PCDH15: variants seen among roughly 807,000 people sequenced by gnomAD.
PCDH15 encodes the protein protocadherin related 15, also known as protocadherin-15.
In PCDH15, 129 loss-of-function variants were observed where a neutral mutation model predicts 178.5. The ratio of observed to expected loss-of-function variants is 0.72; its 90% CI spans 0.63 to 0.84. The LOEUF is 0.84. Among genes scored for constraint, PCDH15 ranks in the 40% least tolerant of loss-of-function variants. The pLI is 0.00. For missense variants in PCDH15, 2,230 were observed against 2,099.9 expected (o/e 1.06, Z -1.21); for synonymous variants, 800 against 732.0 (o/e 1.09, Z -1.50).
chr10:54,769,767 C>T (rs1221979327), intron 1 of PCDH15, among the ~76,000 whole-genome samples: 1 of 152,206 alleles, frequency 6.6e-6, no homozygotes, highest in Non-Finnish European at 1.5e-5. Flanking sequence ...AACAGTATTT[C>T]TTCCTGCATA....
chr10:55,340,270 T>C (rs1480672985), intron 2 of PCDH15, among the ~76,000 whole-genome samples: 3 of 151,260 alleles, frequency 2.0e-5, no homozygotes, highest in Admixed American at 1.3e-4. Context: ...TCATATATCT[T>C]ATATATGGTA....
At chr10:54,931,276 C>G (rs114121401) in intron 2 of PCDH15, among the ~76,000 whole-genome samples, 1 of 152,248 alleles carries the variant, frequency 6.6e-6, no homozygotes, top group African/African-American at 2.4e-5. Flanking sequence ...AGAAACATAT[C>G]ATTTATTTCA....
intron 9 of PCDH15, among the ~76,000 whole-genome samples, chr10:54,234,105 T>C (rs1421112320): frequency 6.6e-6 from 1 of 151,012 alleles, no homozygotes; most frequent in African/African-American, 2.4e-5. Flanking sequence ...ACAAAGTACG[T>C]GAAGTCAGAG....
At chr10:54,057,914 C>G (rs1177034164) in intron 18 of PCDH15, among the ~76,000 whole-genome samples, 1 of 152,184 alleles carries the variant, frequency 6.6e-6, no homozygotes, top group African/African-American at 2.4e-5. Flanking sequence ...CAAAATGCCA[C>G]CAGTCTCTTG....
intron 3 of PCDH15, among the ~76,000 whole-genome samples, chr10:54,883,980 T>G (rs1301577635): frequency 6.6e-6 from 1 of 152,036 alleles, no homozygotes; most frequent in Admixed American, 6.6e-5. Context: ...TGTTTGGAGA[T>G]AACATATTTA....
chr10:54,306,496 GA>G (rs1371932059), intron 8 of PCDH15, among the ~76,000 whole-genome samples: 1 of 151,536 alleles, frequency 6.6e-6, no homozygotes, highest in Non-Finnish European at 1.5e-5. Context: ...TAGTTTGCCA[GA>G]ATCCTCAGTT....
At chr10:55,097,857 G>A (rs1044757057) in intron 2 of PCDH15, among the ~76,000 whole-genome samples, 1 of 152,094 alleles carries the variant, frequency 6.6e-6, no homozygotes, top group Non-Finnish European at 1.5e-5. Flanking sequence ...TTTAAAGACT[G>A]ACTTTCATCA....
chr10:55,401,540 T>C (rs1390465090), intron 2 of PCDH15, among the ~76,000 whole-genome samples: 2 of 151,176 alleles, frequency 1.3e-5, no homozygotes, highest in African/African-American at 2.4e-5. Flanking sequence ...GAGAATAGAT[T>C]GGGATCACTA....
intron 2 of PCDH15, among the ~76,000 whole-genome samples, chr10:55,131,691 T>A (rs1838049264): frequency 7.2e-6 from 1 of 138,158 alleles, no homozygotes; most frequent in Admixed American, 7.8e-5. Flanking sequence ...CAGCTCTCAG[T>A]GGAGAGGAGA....
At chr10:55,167,690 T>C (rs1839232012) in intron 1 of PCDH15, among the ~76,000 whole-genome samples, 1 of 152,272 alleles carries the variant, frequency 6.6e-6, no homozygotes, top group South Asian at 2.1e-4. Flanking sequence ...CAGAAATAGA[T>C]GGAAATAGCT....
chr10:55,164,416 C>G (rs750158252), intron 2 of PCDH15, among the ~76,000 whole-genome samples: 37 of 149,626 alleles, frequency 2.5e-4, no homozygotes, highest in Non-Finnish European at 3.7e-4. Context: ...AATAATTTAT[C>G]TGTTAAATAT....
intron 26 of PCDH15, among the ~76,000 whole-genome samples, chr10:53,901,390 A>C (rs2082324063): frequency 6.6e-6 from 1 of 152,128 alleles, no homozygotes; most frequent in African/African-American, 2.4e-5. Context: ...TGTCCCATGT[A>C]TGATTCATCG....
intron 1 of PCDH15, among the ~76,000 whole-genome samples, chr10:54,724,702 C>T (rs143869685): frequency 4.4e-4 from 67 of 150,798 alleles, no homozygotes; most frequent in African/African-American, 1.4e-3. Context: ...CTGGAATAAA[C>T]GACTCAACAG....
intron 8 of PCDH15, among the ~76,000 whole-genome samples, chr10:54,304,141 C>A (rs1217845091): frequency 6.6e-6 from 1 of 151,904 alleles, no homozygotes; most frequent in South Asian, 2.1e-4. Flanking sequence ...AAGGTTTTTT[C>A]AATTTTATTT....
chr10:53,852,991 T>C (rs552124946), intron 28 of PCDH15, among the ~76,000 whole-genome samples: 12 of 152,152 alleles, frequency 7.9e-5, no homozygotes, highest in Non-Finnish European at 1.5e-4. Flanking sequence ...ATCCCAGACA[T>C]GGATAGGGGG....
rs552498075 is a variant in PCDH15 at position 54,052,574 on chromosome 10, C to T, written c.2220+14183G>A. Among the ~76,000 whole-genome samples, 19 of 152,156 alleles carry T rather than the reference C, an allele frequency of 1.2e-4. 1 individual carries two copies. The South Asian group carries it at 3.3e-3, about 27-fold the overall frequency. On this transcript the variant is annotated intron_variant, in intron 18 of 37. Transcript: ENST00000644397. ...CCTCATTGTATCTAGGAAGTAGTAA[C>T]TTTTAATTCTACAGGCTATTAGGTG...
chr10:54,001,996 G>T (rs2092159599), intron 20 of PCDH15, among the ~76,000 whole-genome samples: 1 of 150,154 alleles, frequency 6.7e-6, no homozygotes, highest in Admixed American at 6.7e-5. Context: ...ACTATATAAT[G>T]ATAAATGTAT....
At chr10:53,985,275 A>G (rs1041178514) in intron 21 of PCDH15, among the ~76,000 whole-genome samples, 3 of 152,126 alleles carry the variant, frequency 2.0e-5, no homozygotes, top group African/African-American at 7.2e-5. Context: ...CAGTTCTTAC[A>G]CTTCATTCTT....
intron 3 of PCDH15, among the ~76,000 whole-genome samples, chr10:54,463,144 T>C (rs1209643075): frequency 6.6e-6 from 1 of 152,112 alleles, no homozygotes; most frequent in African/African-American, 2.4e-5. Context: ...ATATAAAACA[T>C]ATTCCAAAAA....
Sources: gnomAD v4.1 joint callset for allele counts (sites outside exome capture counted in the v4.1 genomes callset) on GRCh38, gnomAD v4.1.1 for gene constraint, MANE v1.5 for transcripts, NCBI Gene and HGNC (gene_info 2026-07-23, HGNC 2026-07-21) for gene names.